DOCK1: variants seen among roughly 807,000 people sequenced by gnomAD.
The protein encoded by DOCK1 is dedicator of cytokinesis protein 1.
DOCK1 carries 138 observed loss-of-function variants against 262.7 expected under a neutral mutation model. The observed-to-expected ratio is 0.53, with a 90% CI of 0.46 to 0.61. The LOEUF (loss-of-function observed/expected upper bound fraction) is 0.61. Ranked by LOEUF, DOCK1 falls within the 20% of genes least tolerant of loss-of-function variation. DOCK1 has a pLI of 0.00. For synonymous variants in DOCK1, 866 were observed against 867.4 expected (o/e 1.00, Z 0.03); for missense variants, 1,908 against 2,370.7 (o/e 0.80, Z 4.05).
In DOCK1 at chr10:127,100,256, C is replaced by G. The variant is rs2048158678; in HGVS notation, c.2446-5975C>G. Among the ~76,000 whole-genome samples, 1 of 152,130 alleles carries G rather than the reference C, an allele frequency of 6.6e-6. No homozygotes were observed. The highest frequency in any genetic ancestry group is 1.5e-5 in the Non-Finnish European group (1 of 68,018). On this transcript the variant is annotated intron_variant, in intron 23 of 51. Transcript: ENST00000623213. This position sits in a 1 kb window ranked among gnomAD's most constrained non-coding sequence, Gnocchi z 5.5. Reference sequence around the variant, plus strand: ...CTGTGGCAGCAAAGCCAATGGGAGGCAGTAGCCGTGCGGCCCAGGTGCTGT... The same window carrying G: ...CTGTGGCAGCAAAGCCAATGGGAGGGAGTAGCCGTGCGGCCCAGGTGCTGT...
intron 40 of DOCK1, among the ~76,000 whole-genome samples, chr10:127,406,126 A>G (rs957940358): frequency 6.6e-6 from 1 of 152,172 alleles, no homozygotes; most frequent in African/African-American, 2.4e-5. Flanking sequence ...AGCCTTGTGC[A>G]GTGCTTGGTG....
At chr10:127,010,589 G>A (rs1016334234) in intron 11 of DOCK1, among the ~76,000 whole-genome samples, 5 of 152,192 alleles carry the variant, frequency 3.3e-5, no homozygotes, top group African/African-American at 1.2e-4. Context: ...CACATACATA[G>A]CACATCTCCA....
chr10:127,013,107 T>C (rs1191514195), intron 12 of DOCK1, among the ~76,000 whole-genome samples: 5 of 152,224 alleles, frequency 3.3e-5, no homozygotes. Context: ...TTGATTCATT[T>C]CCACTGTTCT....
chr10:127,253,153 A>G (rs552073437), intron 28 of DOCK1, among the ~76,000 whole-genome samples: 31 of 152,316 alleles, frequency 2.0e-4, no homozygotes, highest in Admixed American at 4.6e-4. Flanking sequence ...GGAGATGCTG[A>G]CCTGCCCAAG....
intron 27 of DOCK1, among the ~76,000 whole-genome samples, chr10:127,199,684 G>A (rs965334175): frequency 6.6e-6 from 1 of 152,174 alleles, no homozygotes; most frequent in African/African-American, 2.4e-5. Flanking sequence ...TACCTTTGAG[G>A]CATACTCGTT....
Position 127,425,985 on chromosome 10 carries a change from G to A in DOCK1, c.4888G>A (p.Glu1630Lys). The A allele has an allele frequency of 6.2e-7, 1 of 1,613,996 alleles. No homozygotes were observed. Among genetic ancestry groups the A allele is most frequent in the Non-Finnish European group, 8.5e-7 (1 of 1,179,898 alleles). Residue 1630 changes from glutamate (E) to lysine (K), a missense_variant, in exon 47 of 52, where the codon GAG becomes AAG. By Grantham distance (56) the Glu-to-Lys change is moderately conservative (BLOSUM62 1). Around this residue, in one of 9 missense-constraint regions of DOCK1, gnomAD observed 383 missense variants for 420.1 expected, o/e 0.91. Transcript: ENST00000623213. ...ACFKQLKEKV[E>K]KEYGVRIMPS... ...TTTCAAACAGCTGAAGGAAAAGGTG[G>A]AGAAAGAGTACGGCGTCCGAATCAT... is the stretch of plus-strand genomic sequence containing the variant.
intron 1 of DOCK1, among the ~76,000 whole-genome samples, chr10:126,938,084 T>C (rs1230551998): frequency 6.6e-6 from 1 of 151,882 alleles, no homozygotes; most frequent in Non-Finnish European, 1.5e-5. Flanking sequence ...TTCACTCTTT[T>C]CGCCCAGGCT....
chr10:127,441,368 G>C lies in DOCK1; in HGVS notation c.5259+2143G>C, dbSNP rs79689084. On this transcript the variant is annotated intron_variant, in intron 49 of 51. Coordinates refer to ENST00000623213, the MANE Select transcript of DOCK1 (RefSeq NM_001290223.2). ...AATCCACAGGAACTCACCAAGGTCA[G>C]AGCACAGAACCTTGGCGGTGCTTCT... Among the ~76,000 whole-genome samples, 1,050 of 152,328 alleles carry C rather than the reference G, an allele frequency of 6.9e-3. 12 individuals carry two copies. The highest frequency in any genetic ancestry group is 0.024 in the African/African-American group (985 of 41,582).
At chr10:126,935,216 T>C (rs2034487447) in intron 1 of DOCK1, among the ~76,000 whole-genome samples, 1 of 152,264 alleles carries the variant, frequency 6.6e-6, no homozygotes, top group Non-Finnish European at 1.5e-5. Flanking sequence ...AGATTGTCCA[T>C]GAAGAACTCC....
Position 127,176,397 on chromosome 10 carries a change from G to C in DOCK1, c.2847+48633G>C. ...TTTGCCGGTGTCCTTACTGACCATG[G>C]TTCCTGCATTCAGAAACAGCAACAG... On this transcript the variant is annotated intron_variant, in intron 27 of 51. Coordinates refer to ENST00000623213, the MANE Select transcript of DOCK1 (RefSeq NM_001290223.2). The surrounding 1 kb of genome is among the most constrained non-coding windows in gnomAD (Gnocchi z 4.4). The C allele has an allele frequency of 6.3e-7, 1 of 1,595,492 alleles. No homozygotes were observed. Among genetic ancestry groups the C allele is most frequent in the Non-Finnish European group, 8.5e-7 (1 of 1,171,350 alleles).
At chr10:126,980,835 A>G (rs557513253) in intron 3 of DOCK1, among the ~76,000 whole-genome samples, 1 of 152,256 alleles carries the variant, frequency 6.6e-6, no homozygotes, top group African/African-American at 2.4e-5. Flanking sequence ...AGGAAGCGGT[A>G]GCTGGGCTGC....
intron 13 of DOCK1, among the ~76,000 whole-genome samples, chr10:127,020,497 G>T (rs770535378): frequency 3.3e-5 from 5 of 151,794 alleles, no homozygotes; most frequent in African/African-American, 9.7e-5. Context: ...AGCACAGGAG[G>T]TCAAAGCCGT....
intron 27 of DOCK1, chr10:127,153,814 CATAATA>C: frequency 6.8e-7 from 1 of 1,474,372 alleles, no homozygotes; most frequent in Non-Finnish European, 9.5e-7. Context: ...ATTTGTCACT[CATAATA>C]AGAAAGTGGG....
intron 27 of DOCK1, among the ~76,000 whole-genome samples, chr10:127,211,814 A>C (rs939641785): frequency 6.6e-6 from 1 of 152,146 alleles, no homozygotes; most frequent in Non-Finnish European, 1.5e-5. Context: ...GTGCGCTGAG[A>C]TACAAGGAGG....
At chr10:127,109,587 A>G (rs1473181665) in intron 24 of DOCK1, among the ~76,000 whole-genome samples, 2 of 151,966 alleles carry the variant, frequency 1.3e-5, no homozygotes, top group Non-Finnish European at 2.9e-5. Context: ...CTCTCTCTAC[A>G]CATTTGTGTT....
chr10:127,030,224 C>T (rs61873970), intron 16 of DOCK1, among the ~76,000 whole-genome samples: 6,511 of 152,244 alleles, frequency 0.043, 184 homozygotes, highest in Middle Eastern at 0.068. Context: ...AGAGAAAGCT[C>T]GGAATCTGTA....
At position 127,444,113 on chromosome 10, in the gene DOCK1, C is replaced by T; in HGVS notation, c.5260-13C>T. On this transcript the variant is annotated splice_polypyrimidine_tract_variant and intron_variant, in intron 49 of 51. Transcript: ENST00000623213. ...CAGACCGTAACTGTGCTCTTTCTGT[C>T]CTTTTGATGTAGATAAGTCCCCTGC... 1.9e-6 allele frequency: 3 copies of T among 1,553,584 alleles called. No individual in the cohort carries two copies. The highest frequency in any genetic ancestry group is 2.6e-6 in the Non-Finnish European group (3 of 1,148,356).
At chr10:127,337,831 C>T (rs147820348) in intron 29 of DOCK1, among the ~76,000 whole-genome samples, 19 of 152,350 alleles carry the variant, frequency 1.2e-4, no homozygotes, top group Non-Finnish European at 2.5e-4. Context: ...ATAATGTCTG[C>T]GAATCCCTTT....
chr10:127,257,277 G>A, intron 28 of DOCK1, 58 bp from the exon 29 acceptor site: 2 of 1,328,282 alleles, frequency 1.5e-6, no homozygotes, highest in South Asian at 1.3e-5. Flanking sequence ...TGACAGGAGG[G>A]TATCATGTTT....
Sources: allele counts gnomAD v4.1 joint callset (sites outside exome capture counted in the v4.1 genomes callset), GRCh38; gene constraint gnomAD v4.1.1; regional missense constraint gnomAD v4.1.1; non-coding constraint Gnocchi (gnomAD v3.1); transcripts MANE v1.5; gene names NCBI Gene and HGNC (gene_info 2026-07-23, HGNC 2026-07-21).